KCNQ3: variants seen among roughly 807,000 people sequenced by gnomAD.
KCNQ3 encodes potassium voltage-gated channel subfamily KQT member 3.
A neutral mutation model predicts 92.5 loss-of-function variants in KCNQ3; 30 were observed. The observed-to-expected ratio is 0.32, with a 90% confidence interval of 0.24 to 0.44. The LOEUF is 0.44. Ranked by LOEUF, KCNQ3 falls within the 20% of genes least tolerant of loss-of-function variation. The pLI, the probability that KCNQ3 is intolerant of heterozygous loss-of-function variation, is 1.00. For missense variants in KCNQ3, 913 were observed against 1,140.3 expected (o/e 0.80, Z 2.87); for synonymous variants, 450 against 468.8 (o/e 0.96, Z 0.52).
At chr8:132,456,680 A>G (rs568116609) in intron 1 of KCNQ3, among the ~76,000 whole-genome samples, 109 of 151,510 alleles carry the variant, frequency 7.2e-4, no homozygotes, top group Non-Finnish European at 1.4e-3. Context: ...CGATCTTGGC[A>G]GCTCACTGCA....
chr8:132,477,181 A>G (rs945495422), intron 1 of KCNQ3, among the ~76,000 whole-genome samples: 1 of 152,112 alleles, frequency 6.6e-6, no homozygotes, highest in Non-Finnish European at 1.5e-5. Context: ...TTTCCTTTAT[A>G]TATTACCCAG....
intron 1 of KCNQ3, among the ~76,000 whole-genome samples, chr8:132,404,983 A>G (rs1283383740): frequency 6.6e-6 from 1 of 152,202 alleles, no homozygotes; most frequent in Non-Finnish European, 1.5e-5. Context: ...TCAGAGACAA[A>G]GCAAGGGTCT....
chr8:132,387,877 T>TG (rs1819929293), intron 1 of KCNQ3, among the ~76,000 whole-genome samples: 2 of 151,538 alleles, frequency 1.3e-5, no homozygotes, highest in Admixed American at 6.6e-5. Context: ...ACCTGGGAGG[T>TG]TGACTCTACA....
chr8:132,281,434 T>C (rs1816508398), intron 1 of KCNQ3, among the ~76,000 whole-genome samples: 1 of 152,092 alleles, frequency 6.6e-6, no homozygotes, highest in Admixed American at 6.6e-5. Flanking sequence ...ATATATTATA[T>C]ATATACTTGG....
chr8:132,176,675 C>T (rs1487453374), intron 4 of KCNQ3, among the ~76,000 whole-genome samples: 1 of 152,110 alleles, frequency 6.6e-6, no homozygotes. Context: ...TCTGAATAGC[C>T]CTCCCACACT....
chr8:132,252,124 G>A (rs998180672), intron 1 of KCNQ3, among the ~76,000 whole-genome samples: 2 of 152,230 alleles, frequency 1.3e-5, no homozygotes, highest in African/African-American at 4.8e-5. Context: ...AGCCTCTGGG[G>A]ATGCCCTTCA....
chr8:132,268,639 C>T (rs1368902840), intron 1 of KCNQ3, among the ~76,000 whole-genome samples: 1 of 152,224 alleles, frequency 6.6e-6, no homozygotes, highest in African/African-American at 2.4e-5. Context: ...TACTGAAGAA[C>T]ATCTTGGTTG....
chr8:132,236,770 TGA>T (rs1208738609), intron 1 of KCNQ3, among the ~76,000 whole-genome samples: 1 of 152,212 alleles, frequency 6.6e-6, no homozygotes, highest in Non-Finnish European at 1.5e-5. Context: ...CCTTTAAATC[TGA>T]GTGTAGTGGT....
chr8:132,129,054 T>C lies in KCNQ3; in HGVS notation c.*208A>G. 2 of 607,664 alleles carry C rather than the reference T, an allele frequency of 3.3e-6. No homozygotes were observed. Among genetic ancestry groups the C allele is most frequent in the Non-Finnish European group, 2.9e-6 (1 of 343,322 alleles). The allele number at this position is 607,664 out of a possible 1,614,324, so 37.6% of individuals were successfully genotyped here. A position where few individuals can be genotyped will look rare whatever the true frequency, so the allele number is the denominator to read the frequency against. On this transcript the variant is annotated 3_prime_UTR_variant, in exon 15 of 15. Coordinates refer to ENST00000388996, the MANE Select transcript of KCNQ3 (RefSeq NM_004519.4). The surrounding 1 kb of genome is among the most constrained non-coding windows in gnomAD (Gnocchi z 5.9). The stretch of plus-strand genomic sequence containing the variant: ...GAACCATTTATATAGTGTAAAGTCA[T>C]GCAAACCATGCTGAAAAGGAAGCAC...
intron 1 of KCNQ3, among the ~76,000 whole-genome samples, chr8:132,469,367 G>A (rs930960980): frequency 2.0e-5 from 3 of 152,110 alleles, no homozygotes; most frequent in Admixed American, 6.5e-5. Flanking sequence ...TGCCACTCAC[G>A]CTCTCTCACA....
intron 1 of KCNQ3, among the ~76,000 whole-genome samples, chr8:132,374,080 C>T (rs900666826): frequency 6.6e-6 from 1 of 152,122 alleles, no homozygotes; most frequent in African/African-American, 2.4e-5. Flanking sequence ...ACCAGAGCCT[C>T]AAACTCCCTC....
intron 1 of KCNQ3, among the ~76,000 whole-genome samples, chr8:132,377,322 C>T (rs117078390): frequency 0.028 from 4,242 of 152,300 alleles, 78 homozygotes; most frequent in Non-Finnish European, 0.045. Context: ...CCTGGGTCTC[C>T]AGCTTGCAGA....
chr8:132,445,469 C>T (rs1026465350), intron 1 of KCNQ3, among the ~76,000 whole-genome samples: 29 of 145,700 alleles, frequency 2.0e-4, no homozygotes, highest in African/African-American at 6.9e-4. Context: ...CCATCCCCAA[C>T]ATAAATATTT....
At chr8:132,398,301 T>C (rs896123200) in intron 1 of KCNQ3, among the ~76,000 whole-genome samples, 2 of 152,178 alleles carry the variant, frequency 1.3e-5, no homozygotes, top group Admixed American at 1.3e-4. Context: ...CTGTGTGATA[T>C]AGTCTCTTCA....
intron 1 of KCNQ3, among the ~76,000 whole-genome samples, chr8:132,361,637 G>T (rs73345912): frequency 0.013 from 1,935 of 152,160 alleles, 52 homozygotes; most frequent in African/African-American, 0.044. Flanking sequence ...AAATGTAAAA[G>T]GGTCAACATT....
chr8:132,294,883 C>T (rs973518264), intron 1 of KCNQ3, among the ~76,000 whole-genome samples: 1 of 152,136 alleles, frequency 6.6e-6, no homozygotes, highest in Admixed American at 6.5e-5. Context: ...ACACCTTATA[C>T]AAAAATTAAC....
At chr8:132,198,455 C>CT (rs1163807575) in intron 1 of KCNQ3, among the ~76,000 whole-genome samples, 10 of 152,222 alleles carry the variant, frequency 6.6e-5, no homozygotes, top group Non-Finnish European at 2.9e-5. Context: ...TAGCTCACCG[C>CT]TTAGCAACGT....
chr8:132,447,276 C>T, intron 1 of KCNQ3: 1 of 1,534,046 alleles, frequency 6.5e-7, no homozygotes, highest in Non-Finnish European at 8.7e-7. Context: ...GGTAACACAG[C>T]TAGAAATAAC....
At chr8:132,382,766 G>T (rs1819787369) in intron 1 of KCNQ3, among the ~76,000 whole-genome samples, 1 of 152,126 alleles carries the variant, frequency 6.6e-6, no homozygotes, top group African/African-American at 2.4e-5. Flanking sequence ...GGAGAAGGGT[G>T]TCACGGGCAT....
Sources: allele counts gnomAD v4.1 joint callset (sites outside exome capture counted in the v4.1 genomes callset), GRCh38; gene constraint gnomAD v4.1.1; non-coding constraint Gnocchi (gnomAD v3.1); transcripts MANE v1.5; gene names NCBI Gene and HGNC (gene_info 2026-07-23, HGNC 2026-07-21).